The following FHIT variants were observed in gnomAD, a reference collection of about 807,000 sequenced individuals.
The protein encoded by FHIT is fragile histidine triad diadenosine triphosphatase, also known as bis(5'-adenosyl)-triphosphatase.
In FHIT, 19 loss-of-function variants were observed where a neutral mutation model predicts 17.9. The ratio of observed to expected loss-of-function variants is 1.06; its 90% CI spans 0.74 to 1.56. The LOEUF is 1.56. Among genes scored for constraint, FHIT ranks in the 40% most tolerant of loss-of-function variants. The pLI is 0.00. For missense variants in FHIT, 248 were observed against 189.2 expected, an observed-to-expected ratio of 1.31 and a Z score of -1.82; for synonymous variants, 81 against 69.7, an observed-to-expected ratio of 1.16 and a Z score of -0.81.
At chr3:60,450,006 A>C (rs2031621551) in intron 5 of FHIT, among the ~76,000 whole-genome samples, 2 of 150,318 alleles carry the variant, frequency 1.3e-5, no homozygotes, top group African/African-American at 4.9e-5. Context: ...TGTCAAAAAA[A>C]AAAAAAAAAA....
At chr3:61,069,358 G>A (rs1188824113) in intron 2 of FHIT, among the ~76,000 whole-genome samples, 1 of 152,164 alleles carries the variant, frequency 6.6e-6, no homozygotes, top group Non-Finnish European at 1.5e-5. Flanking sequence ...AAAAAGCGCT[G>A]ATGTCTAGGT....
At chr3:61,096,561 G>C (rs963906659) in intron 2 of FHIT, among the ~76,000 whole-genome samples, 1 of 152,170 alleles carries the variant, frequency 6.6e-6, no homozygotes, top group East Asian at 1.9e-4. Flanking sequence ...CTTGTGGAAT[G>C]GAAAATGCCT....
At chr3:60,339,499 T>C (rs1265126410) in intron 5 of FHIT, among the ~76,000 whole-genome samples, 1 of 152,166 alleles carries the variant, frequency 6.6e-6, no homozygotes, top group African/African-American at 2.4e-5. Flanking sequence ...AGGCGTTCTG[T>C]TGACAGTTGG....
intron 1 of FHIT, among the ~76,000 whole-genome samples, chr3:61,236,077 AC>A (rs1246687808): frequency 6.6e-6 from 1 of 151,628 alleles, no homozygotes; most frequent in East Asian, 1.9e-4. Flanking sequence ...AGATGAGAAA[AC>A]TGTGGTATAA....
intron 5 of FHIT, among the ~76,000 whole-genome samples, chr3:60,124,282 C>G (rs915785258): frequency 6.6e-6 from 1 of 151,674 alleles, no homozygotes; most frequent in African/African-American, 2.4e-5. Flanking sequence ...TGAAGACTAG[C>G]CGTCTTCAAC....
At chr3:59,851,962 G>C (rs1701958576) in intron 8 of FHIT, among the ~76,000 whole-genome samples, 1 of 152,154 alleles carries the variant, frequency 6.6e-6, no homozygotes, top group South Asian at 2.1e-4. Flanking sequence ...CTTTCATCTT[G>C]CTCTAAAACA....
chr3:61,066,360 C>A (rs1201272852), intron 2 of FHIT, among the ~76,000 whole-genome samples: 1 of 152,040 alleles, frequency 6.6e-6, no homozygotes, highest in East Asian at 1.9e-4. Flanking sequence ...ACACCTATAA[C>A]CTCAGCACTT....
chr3:61,237,234 C>CATTGTAAACAA (rs1458359388), intron 1 of FHIT, among the ~76,000 whole-genome samples: 27 of 152,274 alleles, frequency 1.8e-4, no homozygotes, highest in African/African-American at 6.0e-4. Context: ...TGAAATACAA[C>CATTGTAAACAA]AGTTGTTTAC....
At chr3:60,594,110 TATAAAA>T (rs2038181737) in intron 4 of FHIT, among the ~76,000 whole-genome samples, 1 of 152,136 alleles carries the variant, frequency 6.6e-6, no homozygotes, top group African/African-American at 2.4e-5. Context: ...AGTTAACACC[TATAAAA>T]ATATTGTTTC....
At chr3:60,659,016 A>G (rs2040180778) in intron 4 of FHIT, among the ~76,000 whole-genome samples, 1 of 150,656 alleles carries the variant, frequency 6.6e-6, no homozygotes, top group Admixed American at 6.6e-5. Flanking sequence ...CTTTTGAAGG[A>G]CAATTTGCTG....
At chr3:60,914,972 G>A (rs1360372046) in intron 3 of FHIT, among the ~76,000 whole-genome samples, 2 of 152,196 alleles carry the variant, frequency 1.3e-5, no homozygotes, top group East Asian at 1.9e-4. Flanking sequence ...TAGAAGAAAC[G>A]TATAAATTTC....
At chr3:60,114,064 TA>T in intron 5 of FHIT, among the ~76,000 whole-genome samples, 1 of 94,912 alleles carries the variant, frequency 1.1e-5, no homozygotes, top group African/African-American at 3.8e-5. Flanking sequence ...TATATATATA[TA>T]TATATATAAT....
At chr3:60,290,868 G>A (rs1401694632) in intron 5 of FHIT, among the ~76,000 whole-genome samples, 3 of 152,142 alleles carry the variant, frequency 2.0e-5, no homozygotes, top group Non-Finnish European at 4.4e-5. Context: ...TCACAAAGGT[G>A]GCTGTGCCAA....
At chr3:61,047,937 ACTGGATCCCTTC>A (rs1320090352) in intron 2 of FHIT, among the ~76,000 whole-genome samples, 5 of 148,494 alleles carry the variant, frequency 3.4e-5, no homozygotes, top group African/African-American at 1.2e-4. Context: ...GAAAGCTGAA[ACTGGATCCCTTC>A]CTTACACCTT....
intron 4 of FHIT, among the ~76,000 whole-genome samples, chr3:60,733,854 T>A (rs2042081828): frequency 6.6e-6 from 1 of 152,158 alleles, no homozygotes; most frequent in Non-Finnish European, 1.5e-5. Flanking sequence ...TGTGAGTAAA[T>A]ATTTTGTATT....
chr3:61,016,600 T>C (rs1168466803), intron 3 of FHIT, among the ~76,000 whole-genome samples: 1 of 152,232 alleles, frequency 6.6e-6, no homozygotes, highest in East Asian at 1.9e-4. Flanking sequence ...CACCAGCCTT[T>C]GTGTTTGTTC....
intron 5 of FHIT, among the ~76,000 whole-genome samples, chr3:60,228,730 T>G (rs1192413752): frequency 2.0e-5 from 3 of 152,156 alleles, no homozygotes; most frequent in African/African-American, 7.2e-5. Context: ...GACCCTTGAA[T>G]AAAACAATAT....
intron 7 of FHIT, among the ~76,000 whole-genome samples, chr3:59,936,657 G>T (rs181726169): frequency 6.6e-6 from 1 of 152,092 alleles, no homozygotes; most frequent in East Asian, 1.9e-4. Context: ...ATTTCAAAAT[G>T]CAAAAATTTG....
Position 60,193,895 on chromosome 3 carries a change from G to T in FHIT, c.104-179743C>A, listed in dbSNP as rs73831994. Among the ~76,000 whole-genome samples the T allele has an allele frequency of 7.4e-3, 1,120 of 152,260 alleles. 13 individuals are homozygous for T. The highest frequency in any genetic ancestry group is 0.026 in the African/African-American group (1,085 of 41,540). On this transcript the variant is annotated intron_variant, in intron 5 of 9. Transcript: ENST00000492590. Reference sequence around the variant, plus strand: ...AGGAAAAGAGGTGTTTGATATGGGTGTTAAAAAATGGGCTCGCTTTCCAAT... The same window carrying T: ...AGGAAAAGAGGTGTTTGATATGGGTTTTAAAAAATGGGCTCGCTTTCCAAT...
Sources: gnomAD v4.1 joint callset for allele counts (sites outside exome capture counted in the v4.1 genomes callset) on GRCh38, gnomAD v4.1.1 for gene constraint, MANE v1.5 for transcripts, NCBI Gene and HGNC (gene_info 2026-07-23, HGNC 2026-07-21) for gene names.